Variants in HOGA1 observed in about 807,000 individuals in gnomAD.
HOGA1 encodes 4-hydroxy-2-oxoglutarate aldolase 1.
In HOGA1, 30 loss-of-function variants were observed where a neutral mutation model predicts 34.3. The observed-to-expected ratio is 0.87, with a 90% CI of 0.65 to 1.19. HOGA1 has a LOEUF of 1.19. Among genes scored for constraint, HOGA1 ranks in the 50% most tolerant of loss-of-function variants. The pLI, the probability that HOGA1 is intolerant of heterozygous loss-of-function variation, is 0.00. For synonymous variants in HOGA1, 161 were observed against 174.0 expected (o/e 0.93, Z 0.59); for missense variants, 417 against 436.5 (o/e 0.96, Z 0.40).
intron 1 of HOGA1, among the ~76,000 whole-genome samples, chr10:97,588,261 G>A (rs1189895382): frequency 5.6e-5 from 8 of 142,886 alleles, no homozygotes; most frequent in South Asian, 2.2e-4. Flanking sequence ...GCAGTGGCAC[G>A]ATCTCGGCTT....
In HOGA1 at chr10:97,594,471, C is replaced by G. The variant is rs140174238; in HGVS notation, c.212-4304C>G. On this transcript the variant is annotated intron_variant, in intron 1 of 6. Coordinates refer to ENST00000370646, the MANE Select transcript of HOGA1 (RefSeq NM_138413.4). ...CTGGGTTCAAGCAATTCTCCTGCCT[C>G]GGCCTCCTGAGTAACTGGGATTACA... Among the ~76,000 whole-genome samples, 1,049 of 152,192 alleles carry G rather than the reference C, an allele frequency of 6.9e-3. 12 individuals carry two copies. Among genetic ancestry groups the G allele is most frequent in the African/African-American group, 0.023 (934 of 41,508 alleles).
At chr10:97,594,356 A>G (rs181726902) in intron 1 of HOGA1, among the ~76,000 whole-genome samples, 1 of 148,040 alleles carries the variant, frequency 6.8e-6, no homozygotes, top group Non-Finnish European at 1.5e-5. Flanking sequence ...TTGATTTTTA[A>G]TTTTTTTTAT....
At chr10:97,608,834 T>G (rs1003302422) in intron 6 of HOGA1, among the ~76,000 whole-genome samples, 1 of 152,146 alleles carries the variant, frequency 6.6e-6, no homozygotes, top group South Asian at 2.1e-4. Context: ...AAATATTACT[T>G]ATTTTGATGA....
chr10:97,595,894 T>A (rs1285985536), intron 1 of HOGA1, among the ~76,000 whole-genome samples: 1 of 152,104 alleles, frequency 6.6e-6, no homozygotes, highest in Admixed American at 6.5e-5. Context: ...CTCTCTACAC[T>A]AACAGGGACA....
intron 6 of HOGA1, among the ~76,000 whole-genome samples, chr10:97,610,364 A>G (rs2041185965): frequency 6.6e-6 from 1 of 152,170 alleles, no homozygotes; most frequent in African/African-American, 2.4e-5. Context: ...GGTGCTGTGG[A>G]GGCTGAGGTG....
intron 1 of HOGA1, among the ~76,000 whole-genome samples, chr10:97,593,655 G>A (rs1480498042): frequency 6.6e-6 from 1 of 152,090 alleles, no homozygotes; most frequent in African/African-American, 2.4e-5. Flanking sequence ...ACAACAAATT[G>A]TCAACACACA....
chr10:97,601,193 G>A (rs1444867578), intron 5 of HOGA1, among the ~76,000 whole-genome samples: 3 of 152,136 alleles, frequency 2.0e-5, no homozygotes, highest in Non-Finnish European at 2.9e-5. Flanking sequence ...CTCTCTCTAC[G>A]GTTTTGAGGC....
intron 4 of HOGA1, 58 bp from the exon 5 acceptor site, chr10:97,600,009 G>A (rs957797762): frequency 1.3e-5 from 20 of 1,553,452 alleles, no homozygotes; most frequent in Middle Eastern, 1.7e-4. Context: ...ACACTTACCC[G>A]GCCCTCATCC....
chr10:97,587,583 C>A (rs1433551971), intron 1 of HOGA1, among the ~76,000 whole-genome samples: 1 of 152,022 alleles, frequency 6.6e-6, no homozygotes, highest in African/African-American at 2.4e-5. Flanking sequence ...ATTTGCCTCA[C>A]TGAAACCTCC....
chr10:97,602,255 A>C, intron 6 of HOGA1: 1 of 1,449,044 alleles, frequency 6.9e-7, no homozygotes, highest in Non-Finnish European at 9.2e-7. Flanking sequence ...TGGGCCCAAG[A>C]AGATGCATTG....
chr10:97,596,281 G>A (rs1252603045), intron 1 of HOGA1, among the ~76,000 whole-genome samples: 3 of 152,184 alleles, frequency 2.0e-5, no homozygotes, highest in South Asian at 4.1e-4. Context: ...AGCCTCAGCT[G>A]TCCTGCTGTT....
intron 1 of HOGA1, among the ~76,000 whole-genome samples, chr10:97,592,604 T>TA (rs1046830522): frequency 1.3e-5 from 2 of 151,182 alleles, no homozygotes; most frequent in Non-Finnish European, 1.5e-5. Flanking sequence ...TATTTCAAGT[T>TA]AAAAAAAAAG....
intron 1 of HOGA1, among the ~76,000 whole-genome samples, chr10:97,594,141 T>A (rs2041050214): frequency 1.3e-5 from 2 of 148,686 alleles, no homozygotes; most frequent in Admixed American, 6.8e-5. Flanking sequence ...AGTGCTGGAA[T>A]TACAGGCATG....
At chr10:97,591,814 A>AT (rs2041026419) in intron 1 of HOGA1, among the ~76,000 whole-genome samples, 1 of 45,230 alleles carries the variant, frequency 2.2e-5, no homozygotes, top group East Asian at 5.0e-4. Flanking sequence ...CTTTTCTTTC[A>AT]TTTTGTGTGT....
In HOGA1 at chr10:97,606,706, T is replaced by A. The variant is rs183458011; in HGVS notation, c.834+4716T>A. On this transcript the variant is annotated intron_variant, in intron 6 of 6. Coordinates refer to ENST00000370646, the MANE Select transcript of HOGA1 (RefSeq NM_138413.4). Reference sequence around the variant, plus strand: ...TCCTCCCACTTTGTTCTTTTTTTATTCCTTCAAAATTGTTTTAGTCTAATT... The same window carrying A: ...TCCTCCCACTTTGTTCTTTTTTTATACCTTCAAAATTGTTTTAGTCTAATT... Among the ~76,000 whole-genome samples the A allele has an allele frequency of 4.6e-5, 7 of 152,342 alleles. No homozygotes were observed. The East Asian group carries it at 1.3e-3, about 29-fold the overall frequency.
chr10:97,597,284 T>TC (rs962727279), intron 1 of HOGA1, among the ~76,000 whole-genome samples: 3 of 151,980 alleles, frequency 2.0e-5, no homozygotes, highest in Admixed American at 1.3e-4. Flanking sequence ...CCTCAAGTGA[T>TC]CCCCCCATCT....
intron 1 of HOGA1, among the ~76,000 whole-genome samples, chr10:97,594,949 AG>A (rs751112628): frequency 1.3e-5 from 2 of 152,242 alleles, no homozygotes; most frequent in Non-Finnish European, 2.9e-5. Context: ...AATGCAGAGC[AG>A]GGAGGCCCAG....
chr10:97,608,190 T>C (rs2041170532), intron 6 of HOGA1, among the ~76,000 whole-genome samples: 1 of 152,262 alleles, frequency 6.6e-6, no homozygotes, highest in African/African-American at 2.4e-5. Context: ...TGTGCAACTC[T>C]AGCCCCAGCT....
chr10:97,593,532 C>A (rs1158387072), intron 1 of HOGA1, among the ~76,000 whole-genome samples: 1 of 152,072 alleles, frequency 6.6e-6, no homozygotes, highest in African/African-American at 2.4e-5. Flanking sequence ...AATGCTTAAG[C>A]ATTTCATCAG....
Sources: gnomAD v4.1 joint callset for allele counts (sites outside exome capture counted in the v4.1 genomes callset) on GRCh38, gnomAD v4.1.1 for gene constraint, MANE v1.5 for transcripts, NCBI Gene and HGNC (gene_info 2026-07-23, HGNC 2026-07-21) for gene names.